The following NID1 variants were observed in gnomAD, a reference collection of about 807,000 sequenced individuals.
NID1 encodes nidogen-1.
In NID1, 76 loss-of-function variants were observed where a neutral mutation model predicts 130.6. That is an observed-to-expected ratio of 0.58 (90% CI 0.48 to 0.70). The LOEUF is 0.70. NID1 is among the 30% of genes least tolerant of loss of function. The probability of loss-of-function intolerance (pLI) is 0.00; values close to 1 mark genes in which losing one functional copy is unlikely to be tolerated. For synonymous variants in NID1, 665 were observed against 675.1 expected (o/e 0.98, Z 0.23); for missense variants, 1,517 against 1,664.8 (o/e 0.91, Z 1.54).
At chr1:236,056,282 TTAA>T (rs1659896640) in intron 1 of NID1, among the ~76,000 whole-genome samples, 1 of 152,092 alleles carries the variant, frequency 6.6e-6, no homozygotes, top group South Asian at 2.1e-4. Flanking sequence ...AAAGCAAAAA[TTAA>T]GAAGAGGGAC....
chr1:236,022,258 C>A (rs778996597), intron 9 of NID1, among the ~76,000 whole-genome samples: 62 of 151,760 alleles, frequency 4.1e-4, no homozygotes, highest in Non-Finnish European at 7.9e-4. Context: ...CAGAGTGAGA[C>A]CCTGTCTCAA....
chr1:235,978,902 G>A, intron 19 of NID1, 93 bp downstream of exon 19: 1 of 805,982 alleles, frequency 1.2e-6, no homozygotes. Context: ...CATAATCAAG[G>A]CTACTAGTGG....
At chr1:236,003,876 C>T (rs567441023) in intron 12 of NID1, among the ~76,000 whole-genome samples, 2 of 151,010 alleles carry the variant, frequency 1.3e-5, no homozygotes, top group South Asian at 4.2e-4. Context: ...TCCCAAACAA[C>T]AACAACAATA....
rs1658629323 is a variant in NID1, at chr1:236,017,336, A to G, written c.2129-63T>C. The stretch of plus-strand genomic sequence containing the variant: ...TAAAGCTCTTCAAACATTACTGACT[A>G]TAATAAAATAGCATTGTCACCTAAG... On this transcript the variant is annotated intron_variant, in intron 9 of 19. Transcript: ENST00000264187. 12 of 1,555,304 alleles carry G rather than the reference A, an allele frequency of 7.7e-6. No homozygotes were observed. The South Asian group carries it at 1.3e-4, about 16-fold the overall frequency.
chr1:236,025,848 T>G, intron 8 of NID1, 48 bp downstream of exon 8: 1 of 1,588,526 alleles, frequency 6.3e-7, no homozygotes, highest in Non-Finnish European at 8.6e-7. Context: ...GAGTGGGGTT[T>G]TAAAAATGCA....
Position 236,011,930 on chromosome 1 carries a change from C to T in NID1, c.2518G>A (p.Val840Met), listed in dbSNP as rs771612950. 2.9e-5 allele frequency: 46 copies of T among 1,613,804 alleles called. 1 individual carries two copies. The highest frequency in any genetic ancestry group is 3.4e-4 in the Middle Eastern group (2 of 5,884). ...TGTCCCACCACCTTACCTCCGGGCACGCAACGGAAGCCGTCTCCCTGATAA... is the reference window on the plus strand; with the variant it reads ...TGTCCCACCACCTTACCTCCGGGCATGCAACGGAAGCCGTCTCCCTGATAA... ...PGYQGDGFRCVPGEVEKTRCQ... is the reference protein window; with the variant it reads ...PGYQGDGFRCMPGEVEKTRCQ... The change falls in exon 12 of 20, where the codon GTG becomes ATG. Residue 840 changes from valine to methionine, a missense_variant. By Grantham distance (21) the Val-to-Met change is conservative. This residue lies in a region of NID1 where 1,329 missense variants were observed against 1,429.2 expected (regional missense o/e 0.93). Coordinates refer to ENST00000264187, the MANE Select transcript of NID1 (RefSeq NM_002508.3).
Position 235,977,972 on chromosome 1 carries a change from T to G in NID1, c.3639A>C (p.Ser1213=), listed in dbSNP as rs746822314. The G allele has an allele frequency of 3.1e-6, 5 of 1,614,046 alleles. No individual in the cohort carries two copies. Among genetic ancestry groups the G allele is most frequent in the Non-Finnish European group, 4.2e-6 (5 of 1,180,016 alleles). Residue 1213 remains serine (S), a synonymous_variant, in exon 20 of 20, where the codon TCA becomes TCC. Coordinates refer to ENST00000264187, the MANE Select transcript of NID1 (RefSeq NM_002508.3). The part of the protein sequence containing the change: ...SQCPQGHNYC[S]VNNGGCTHLC... ...GGTGGGTGCAGCCGCCATTGTTCAC[T>G]GAGCAGTAGTTATGGCCTGGAAAAG...
chr1:236,041,980 C>T lies in NID1; in HGVS notation c.1065G>A (p.Leu355=), dbSNP rs1028853593. ...PPTERTRSFQ[L]AVETFHQQHP... The stretch of plus-strand genomic sequence containing the variant: ...GCTGCTGGTGAAAAGTCTCCACTGC[C>T]AACTGGAAAGACCTGGTTCTCTCTG... Residue 355 remains leucine (L), a synonymous_variant, in exon 4 of 20, where the codon TTG becomes TTA. Coordinates refer to ENST00000264187, the MANE Select transcript of NID1 (RefSeq NM_002508.3). 46 of 1,614,030 alleles carry T rather than the reference C, an allele frequency of 2.9e-5. No individual in the cohort carries two copies. Among genetic ancestry groups the T allele is most frequent in the Non-Finnish European group, 3.8e-5 (45 of 1,180,032 alleles).
At chr1:235,981,585 G>A (rs199709688) in intron 16 of NID1, 26 bp downstream of exon 16, 9 of 1,596,296 alleles carry the variant, frequency 5.6e-6, no homozygotes, top group Non-Finnish European at 6.8e-6. Flanking sequence ...TCAAAGAGAT[G>A]CACACACATA....
intron 12 of NID1, among the ~76,000 whole-genome samples, chr1:235,996,560 G>A (rs1657929092): frequency 6.6e-6 from 1 of 151,882 alleles, no homozygotes; most frequent in South Asian, 2.1e-4. Context: ...TCCCACCTCA[G>A]CCTCCTGAGT....
chr1:236,019,123 C>A (rs1658683986), intron 9 of NID1, among the ~76,000 whole-genome samples: 1 of 152,246 alleles, frequency 6.6e-6, no homozygotes, highest in Non-Finnish European at 1.5e-5. Flanking sequence ...CCAGGCACTG[C>A]CAGAAGGTTC....
chr1:236,053,410 T>C (rs1445737026), intron 1 of NID1, among the ~76,000 whole-genome samples: 1 of 152,166 alleles, frequency 6.6e-6, no homozygotes, highest in Non-Finnish European at 1.5e-5. Context: ...GAGAAGCTAC[T>C]GTATATGGCA....
At chr1:236,022,847 G>A (rs1386882972) in intron 9 of NID1, among the ~76,000 whole-genome samples, 1 of 151,256 alleles carries the variant, frequency 6.6e-6, no homozygotes, top group South Asian at 2.1e-4. Flanking sequence ...TGGATCACTT[G>A]AGGTCAGGAG....
At chr1:236,003,430 C>T (rs535086684) in intron 12 of NID1, among the ~76,000 whole-genome samples, 6 of 152,328 alleles carry the variant, frequency 3.9e-5, no homozygotes, top group African/African-American at 1.4e-4. Flanking sequence ...CCCATATCTT[C>T]ATGCATTCAA....
intron 5 of NID1, among the ~76,000 whole-genome samples, chr1:236,035,284 A>G (rs12745766): frequency 1.1e-5 from 1 of 94,306 alleles, no homozygotes; most frequent in East Asian, 2.9e-4. Context: ...GAGAATGATG[A>G]TTTCCAATTT....
chr1:236,000,213 CAATT>C (rs1658039961), intron 12 of NID1, among the ~76,000 whole-genome samples: 1 of 152,042 alleles, frequency 6.6e-6, no homozygotes, highest in Non-Finnish European at 1.5e-5. Context: ...GACTCTATCT[CAATT>C]AAAACAACAA....
intron 9 of NID1, among the ~76,000 whole-genome samples, chr1:236,020,117 T>A (rs1417822076): frequency 1.3e-5 from 2 of 151,640 alleles, no homozygotes; most frequent in Non-Finnish European, 2.9e-5. Flanking sequence ...TCTTCAGTGG[T>A]ATTGAAAACT....
chr1:236,007,809 G>A (rs947362932), intron 12 of NID1, among the ~76,000 whole-genome samples: 1 of 152,156 alleles, frequency 6.6e-6, no homozygotes, highest in Non-Finnish European at 1.5e-5. Flanking sequence ...GACCACCCAG[G>A]AAAGCTGCTC....
intron 14 of NID1, among the ~76,000 whole-genome samples, chr1:235,988,971 C>G (rs1377217821): frequency 6.6e-6 from 1 of 151,444 alleles, no homozygotes; most frequent in African/African-American, 2.4e-5. Flanking sequence ...TGTTTATATT[C>G]TTAATACCAC....
Sources: allele counts gnomAD v4.1 joint callset (sites outside exome capture counted in the v4.1 genomes callset), GRCh38; gene constraint gnomAD v4.1.1; regional missense constraint gnomAD v4.1.1; transcripts MANE v1.5; gene names NCBI Gene and HGNC (gene_info 2026-07-23, HGNC 2026-07-21).